The following ADGRB3 variants were observed in gnomAD, a reference collection of about 807,000 sequenced individuals.
ADGRB3 encodes brain-specific angiogenesis inhibitor 3.
ADGRB3 carries 37 observed loss-of-function variants against 193.4 expected under a neutral mutation model. The observed-to-expected ratio is 0.19, with a 90% CI of 0.15 to 0.25. ADGRB3 has a LOEUF of 0.25. Ranked by LOEUF, ADGRB3 falls within the 10% of genes least tolerant of loss-of-function variation. The pLI, the probability that ADGRB3 is intolerant of heterozygous loss-of-function variation, is 1.00. For missense variants in ADGRB3, 1,637 were observed against 1,852.9 expected (o/e 0.88, Z 2.14); for synonymous variants, 690 against 644.2 (o/e 1.07, Z -1.08).
intron 17 of ADGRB3, among the ~76,000 whole-genome samples, chr6:69,212,633 T>G (rs1221518601): frequency 2.6e-5 from 4 of 152,148 alleles, no homozygotes; most frequent in African/African-American, 9.7e-5. Context: ...CCTTCCTTGA[T>G]TTGGTAGGCA....
At chr6:69,090,293 G>T (rs1772668726) in intron 17 of ADGRB3, among the ~76,000 whole-genome samples, 1 of 152,164 alleles carries the variant, frequency 6.6e-6, no homozygotes, top group South Asian at 2.1e-4. Flanking sequence ...CTTGTCTGTT[G>T]TTGAGCCTGT....
chr6:68,931,701 A>G (rs1231969033), intron 4 of ADGRB3, among the ~76,000 whole-genome samples: 1 of 152,176 alleles, frequency 6.6e-6, no homozygotes, highest in Non-Finnish European at 1.5e-5. Context: ...TTTTTAGAAC[A>G]GTAGATCTGA....
intron 17 of ADGRB3, among the ~76,000 whole-genome samples, chr6:69,189,214 T>C (rs1455852615): frequency 6.6e-6 from 1 of 152,324 alleles, no homozygotes; most frequent in East Asian, 1.9e-4. Flanking sequence ...TAACAGCATA[T>C]TTTCTGTGGT....
chr6:68,750,470 C>T (rs1478755479), intron 3 of ADGRB3, among the ~76,000 whole-genome samples: 1 of 152,162 alleles, frequency 6.6e-6, no homozygotes, highest in Non-Finnish European at 1.5e-5. Context: ...AATAGGTTAG[C>T]TCTTTTTGCA....
intron 17 of ADGRB3, among the ~76,000 whole-genome samples, chr6:69,188,831 T>A (rs1428594204): frequency 6.6e-6 from 1 of 152,180 alleles, no homozygotes; most frequent in Non-Finnish European, 1.5e-5. Flanking sequence ...TCTCCATATA[T>A]CTTTTTTTAA....
At chr6:69,343,710 A>T (rs1295610820) in intron 26 of ADGRB3, among the ~76,000 whole-genome samples, 2 of 152,146 alleles carry the variant, frequency 1.3e-5, no homozygotes, top group Non-Finnish European at 2.9e-5. Context: ...TCTCTGGAGA[A>T]AAAAACAAAA....
intron 17 of ADGRB3, among the ~76,000 whole-genome samples, chr6:69,155,555 T>C (rs557165620): frequency 6.6e-6 from 1 of 152,334 alleles, no homozygotes; most frequent in East Asian, 1.9e-4. Context: ...TTTTAAAGGA[T>C]AAAGGATTAC....
intron 3 of ADGRB3, among the ~76,000 whole-genome samples, chr6:68,812,566 G>GAT (rs781359786): frequency 6.6e-6 from 1 of 152,040 alleles, no homozygotes; most frequent in African/African-American, 2.4e-5. Flanking sequence ...ACTAGACAGT[G>GAT]ATATATATAA....
intron 8 of ADGRB3, among the ~76,000 whole-genome samples, chr6:68,969,654 C>T (rs746175036): frequency 2.0e-5 from 3 of 152,182 alleles, no homozygotes; most frequent in Non-Finnish European, 4.4e-5. Context: ...TACTACCCAG[C>T]TCCTCAACTC....
chr6:69,343,274 G>T (rs1172992346), intron 26 of ADGRB3, among the ~76,000 whole-genome samples: 1 of 149,932 alleles, frequency 6.7e-6, no homozygotes, highest in African/African-American at 2.5e-5. Context: ...ATGCTGGTGC[G>T]CTGCACCCAC....
At chr6:68,910,580 G>A (rs1211716374) in intron 3 of ADGRB3, among the ~76,000 whole-genome samples, 2 of 152,148 alleles carry the variant, frequency 1.3e-5, no homozygotes, top group Non-Finnish European at 2.9e-5. Context: ...ATTAATTTTT[G>A]TATAAGGTGT....
chr6:69,122,309 C>A (rs1216879614), intron 17 of ADGRB3, among the ~76,000 whole-genome samples: 1 of 151,352 alleles, frequency 6.6e-6, no homozygotes, highest in African/African-American at 2.4e-5. Flanking sequence ...ACCAGTCAGG[C>A]GTGGTGGCAC....
intron 20 of ADGRB3, among the ~76,000 whole-genome samples, chr6:69,287,461 T>G (rs933987750): frequency 6.6e-6 from 1 of 152,092 alleles, no homozygotes; most frequent in Non-Finnish European, 1.5e-5. Flanking sequence ...GAAAAAAAAC[T>G]GAATCTACAT....
intron 17 of ADGRB3, among the ~76,000 whole-genome samples, chr6:69,228,833 C>T (rs1561959526): frequency 1.3e-5 from 2 of 152,068 alleles, no homozygotes; most frequent in South Asian, 2.1e-4. Context: ...AATGAAAAAC[C>T]CAGCTTTGCT....
intron 20 of ADGRB3, among the ~76,000 whole-genome samples, chr6:69,278,205 T>C (rs1767343886): frequency 6.6e-6 from 1 of 152,178 alleles, no homozygotes; most frequent in Non-Finnish European, 1.5e-5. Flanking sequence ...GCATTTTCAA[T>C]ACAACAAGGC....
At chr6:68,848,952 A>G (rs2127390178) in intron 3 of ADGRB3, among the ~76,000 whole-genome samples, 1 of 152,176 alleles carries the variant, frequency 6.6e-6, no homozygotes, top group South Asian at 2.1e-4. Flanking sequence ...GTATCTTCTC[A>G]GTTAATAAAA....
chr6:69,038,780 G>A (rs7767118), intron 13 of ADGRB3, among the ~76,000 whole-genome samples: 65,050 of 151,988 alleles, frequency 0.43, 14,619 homozygotes, highest in African/African-American at 0.48. Flanking sequence ...AGTCTTAAAT[G>A]ATATTTCTCT....
chr6:69,284,876 G>T (rs1767515611), intron 20 of ADGRB3, among the ~76,000 whole-genome samples: 2 of 151,836 alleles, frequency 1.3e-5, no homozygotes. Flanking sequence ...CAGCAGGGAA[G>T]ATTGAGAAGT....
At chr6:68,845,450 T>G (rs2127388867) in intron 3 of ADGRB3, among the ~76,000 whole-genome samples, 1 of 152,222 alleles carries the variant, frequency 6.6e-6, no homozygotes, top group South Asian at 2.1e-4. Flanking sequence ...TTCTGATGTC[T>G]GGCTTCTGTA....
Sources: allele counts gnomAD v4.1 joint callset (sites outside exome capture counted in the v4.1 genomes callset), GRCh38; gene constraint gnomAD v4.1.1; transcripts MANE v1.5; gene names NCBI Gene and HGNC (gene_info 2026-07-23, HGNC 2026-07-21).